Variants in SLC25A48 observed in about 807,000 individuals in gnomAD.
SLC25A48 encodes the protein CTC-321K16.1.
Under a neutral mutation model 32.2 loss-of-function variants are expected in SLC25A48, and 29 were observed. The ratio of observed to expected loss-of-function variants is 0.90; its 90% confidence interval spans 0.67 to 1.23. SLC25A48 has a LOEUF of 1.23. Ranked by LOEUF, SLC25A48 falls within the 50% of genes most tolerant of loss-of-function variation. The pLI is 0.00. For missense variants in SLC25A48, 399 were observed against 422.7 expected (o/e 0.94, Z 0.49); for synonymous variants, 164 against 172.3 (o/e 0.95, Z 0.38).
At chr5:135,620,302 G>T (rs968746995) in intron 1 of SLC25A48, among the ~76,000 whole-genome samples, 1 of 152,146 alleles carries the variant, frequency 6.6e-6, no homozygotes, top group African/African-American at 2.4e-5. Context: ...CCCCTGGATG[G>T]TATGCTTGGG....
At chr5:135,800,889 C>T (rs1757304042) in intron 3 of SLC25A48, among the ~76,000 whole-genome samples, 1 of 150,180 alleles carries the variant, frequency 6.7e-6, no homozygotes, top group African/African-American at 2.4e-5. Context: ...GATATCACTC[C>T]CCATATCGCA....
Position 135,879,955 on chromosome 5 carries a change from C to A in SLC25A48, c.814-13C>A. On this transcript the variant is annotated splice_polypyrimidine_tract_variant and intron_variant, in intron 6 of 7. Coordinates refer to ENST00000681962, the MANE Select transcript of SLC25A48 (RefSeq NM_001349336.2). The stretch of plus-strand genomic sequence containing the variant: ...GGGTCAGTCCCCTGCAATAACCTGG[C>A]CCCTGTGCAAAGGTGTTTTTCAGAG... The A allele has an allele frequency of 2.6e-6, 4 of 1,536,118 alleles. No individual in the cohort carries two copies. Among genetic ancestry groups the A allele is most frequent in the Non-Finnish European group, 2.6e-6 (3 of 1,146,810 alleles).
intron 4 of SLC25A48, chr5:135,825,237 T>C (rs1024867176): frequency 6.6e-6 from 1 of 152,152 alleles, no homozygotes; most frequent in Non-Finnish European, 1.5e-5. Flanking sequence ...AGTAATCCTA[T>C]AAAACAAGCC....
At chr5:135,801,751 C>A (rs1757331823) in intron 3 of SLC25A48, among the ~76,000 whole-genome samples, 1 of 151,526 alleles carries the variant, frequency 6.6e-6, no homozygotes, top group Admixed American at 6.6e-5. Flanking sequence ...TGTGTGCACC[C>A]CGCAGTGATA....
intron 3 of SLC25A48, among the ~76,000 whole-genome samples, chr5:135,780,160 CTTTTTTTTT>C (rs34277772): frequency 7.7e-5 from 3 of 38,840 alleles, no homozygotes; most frequent in Admixed American, 3.1e-4. Context: ...GTTTCTTCGT[CTTTTTTTTT>C]TTTTTTTTTT....
intron 3 of SLC25A48, among the ~76,000 whole-genome samples, chr5:135,782,340 G>T (rs7380504): frequency 0.51 from 58,519 of 114,460 alleles, 22,334 homozygotes; most frequent in Middle Eastern, 0.71. Context: ...ATATTGCAGG[G>T]TGTGTACACC....
At chr5:135,703,392 G>A (rs1490703561) in intron 3 of SLC25A48, among the ~76,000 whole-genome samples, 1 of 152,210 alleles carries the variant, frequency 6.6e-6, no homozygotes, top group Non-Finnish European at 1.5e-5. Context: ...AGGGTGAGAA[G>A]CTGCCTTTTC....
intron 3 of SLC25A48, among the ~76,000 whole-genome samples, chr5:135,742,130 A>G (rs1260858387): frequency 6.6e-6 from 1 of 152,156 alleles, no homozygotes; most frequent in Admixed American, 6.6e-5. Context: ...TCCAGGCTGG[A>G]GTACAGTGGC....
chr5:135,619,878 A>T (rs1274551985), intron 1 of SLC25A48, among the ~76,000 whole-genome samples: 1 of 152,064 alleles, frequency 6.6e-6, no homozygotes, highest in Non-Finnish European at 1.5e-5. Flanking sequence ...TGGGGACCTG[A>T]GGTGGTATCA....
chr5:135,702,038 G>C (rs186990950), intron 3 of SLC25A48, among the ~76,000 whole-genome samples: 1 of 152,342 alleles, frequency 6.6e-6, no homozygotes, highest in Admixed American at 6.5e-5. Flanking sequence ...TGAGCCTGGA[G>C]ATACTGCATT....
At chr5:135,606,084 C>G (rs1751927160) in intron 1 of SLC25A48, among the ~76,000 whole-genome samples, 1 of 152,112 alleles carries the variant, frequency 6.6e-6, no homozygotes, top group South Asian at 2.1e-4. Flanking sequence ...GGTGAACTGG[C>G]TAAAAAATCC....
chr5:135,649,111 A>G (rs1753040299), intron 3 of SLC25A48: 1 of 152,214 alleles, frequency 6.6e-6, no homozygotes, highest in Non-Finnish European at 1.5e-5. Flanking sequence ...GTCCCAGCTA[A>G]CCAATTTATG....
At chr5:135,880,718 C>T (rs1463893394) in intron 7 of SLC25A48, among the ~76,000 whole-genome samples, 1 of 151,796 alleles carries the variant, frequency 6.6e-6, no homozygotes, top group African/African-American at 2.4e-5. Flanking sequence ...CCTGCTTCCG[C>T]CAGCCTCACT....
At chr5:135,754,296 ATATG>A (rs1267193953) in intron 3 of SLC25A48, among the ~76,000 whole-genome samples, 1 of 57,240 alleles carries the variant, frequency 1.7e-5, no homozygotes, top group East Asian at 4.0e-4. Flanking sequence ...TTGACACTAC[ATATG>A]ATATGATAAA....
intron 3 of SLC25A48, among the ~76,000 whole-genome samples, chr5:135,793,412 G>C (rs1163684024): frequency 6.6e-6 from 1 of 150,806 alleles, no homozygotes; most frequent in East Asian, 1.9e-4. Flanking sequence ...CTCTCTTAAT[G>C]TTACAGTTTG....
At chr5:135,638,373 C>A (rs1752755397) in intron 3 of SLC25A48, among the ~76,000 whole-genome samples, 1 of 148,558 alleles carries the variant, frequency 6.7e-6, no homozygotes, top group Non-Finnish European at 1.5e-5. Flanking sequence ...CAAATCAAAT[C>A]ACCTGGGAAT....
chr5:135,661,234 C>T (rs868170505), intron 3 of SLC25A48, among the ~76,000 whole-genome samples: 19 of 152,214 alleles, frequency 1.2e-4, no homozygotes, highest in African/African-American at 4.1e-4. Context: ...CTTCCTTCAC[C>T]GGATAGGCAG....
At chr5:135,748,722 ATT>A (rs1160434929) in intron 3 of SLC25A48, among the ~76,000 whole-genome samples, 6 of 134,988 alleles carry the variant, frequency 4.4e-5, no homozygotes, top group Admixed American at 7.7e-5. Context: ...AGACAGGTAA[ATT>A]TTTTTTTTTT....
chr5:135,625,135 G>T (rs1047896078), intron 1 of SLC25A48, among the ~76,000 whole-genome samples: 2 of 152,124 alleles, frequency 1.3e-5, no homozygotes, highest in African/African-American at 4.8e-5. Context: ...GGGGAAGGGT[G>T]CAGCCCTGAT....
Sources: allele counts gnomAD v4.1 joint callset (sites outside exome capture counted in the v4.1 genomes callset), GRCh38; gene constraint gnomAD v4.1.1; transcripts MANE v1.5; gene names NCBI Gene and HGNC (gene_info 2026-07-23, HGNC 2026-07-21).